Variants in TENM4 observed in about 807,000 individuals in gnomAD.
TENM4 encodes the protein teneurin-4.
TENM4 carries 82 observed loss-of-function variants against 243.3 expected under a neutral mutation model. That is an observed-to-expected ratio of 0.34 (90% CI 0.28 to 0.40). The LOEUF (loss-of-function observed/expected upper bound fraction) is 0.40, where lower values mean the gene tolerates loss of function less well. TENM4 is among the 10% of genes least tolerant of loss of function. TENM4 has a pLI of 1.00. For missense variants in TENM4, 3,138 were observed against 3,673.3 expected, an observed-to-expected ratio of 0.85 and a Z score of 3.77; for synonymous variants, 1,412 against 1,456.3, an observed-to-expected ratio of 0.97 and a Z score of 0.69.
At chr11:78,994,825 T>C (rs1265936379) in intron 6 of TENM4, among the ~76,000 whole-genome samples, 1 of 152,222 alleles carries the variant, frequency 6.6e-6, no homozygotes, top group Non-Finnish European at 1.5e-5. Flanking sequence ...AAACAGAGAC[T>C]TGTCCTAATG....
intron 3 of TENM4, 61 bp downstream of exon 3, chr11:79,215,747 C>A (rs1864040423): frequency 1.0e-6 from 1 of 985,476 alleles, no homozygotes; most frequent in Non-Finnish European, 1.2e-6. Flanking sequence ...GATTGCATTT[C>A]TCATCAAGGC....
At chr11:79,422,671 G>T (rs7102010) in intron 1 of TENM4, among the ~76,000 whole-genome samples, 59,838 of 152,004 alleles carry the variant, frequency 0.39, 12,025 homozygotes, top group African/African-American at 0.46. Flanking sequence ...TCAAGTCTGA[G>T]GTAGGTATAA....
intron 17 of TENM4, among the ~76,000 whole-genome samples, chr11:78,772,161 T>C (rs989823205): frequency 1.3e-5 from 2 of 152,154 alleles, no homozygotes; most frequent in Admixed American, 1.3e-4. Flanking sequence ...GCTTGGACCA[T>C]ATTATAAAGT....
chr11:78,670,585 G>C, intron 31 of TENM4, 34 bp from the exon 32 acceptor site: 2 of 1,565,286 alleles, frequency 1.3e-6, no homozygotes, highest in Non-Finnish European at 1.7e-6. Flanking sequence ...GATGAGAGGA[G>C]GGTGGTGAGG....
chr11:79,064,653 G>A (rs1398106650), intron 6 of TENM4, 85 bp downstream of exon 6: 11 of 1,502,252 alleles, frequency 7.3e-6, no homozygotes, highest in East Asian at 2.5e-5. Flanking sequence ...CCAGAGCCCC[G>A]GCAGTGGAGC....
chr11:79,220,926 A>G (rs541449613), intron 2 of TENM4: 1 of 152,330 alleles, frequency 6.6e-6, no homozygotes, highest in African/African-American at 2.4e-5. Context: ...AGCACATCCA[A>G]TCTTCTGAAA....
In TENM4 at chr11:78,653,674, T is replaced by G. The variant is rs921702860; in HGVS notation, c.*4384A>C. ...CACCGCCAGACACCTGAGGCTCAGCTCCTGCCAGGACGGCCGAGCGTGCTC... is the reference window on the plus strand; with the variant it reads ...CACCGCCAGACACCTGAGGCTCAGCGCCTGCCAGGACGGCCGAGCGTGCTC... On this transcript the variant is annotated 3_prime_UTR_variant, in exon 34 of 34. Coordinates refer to ENST00000278550, the MANE Select transcript of TENM4 (RefSeq NM_001098816.3). The G allele has an allele frequency of 1.3e-5, 2 of 152,262 alleles. No homozygotes were observed. Among genetic ancestry groups the G allele is most frequent in the African/African-American group, 4.8e-5 (2 of 41,462 alleles). 9.4% of individuals were successfully genotyped at this position (152,262 alleles called of 1,614,324 possible). A position where few individuals can be genotyped will look rare whatever the true frequency, so the allele number is the denominator to read the frequency against.
chr11:79,244,401 T>C lies in TENM4; in HGVS notation c.-264-28492A>G, dbSNP rs563399382. Among the ~76,000 whole-genome samples the C allele has an allele frequency of 5.3e-5, 8 of 152,008 alleles. No homozygotes were observed. In the South Asian group the frequency reaches 1.7e-3, roughly 32 times the overall value. On this transcript the variant is annotated intron_variant, in intron 2 of 33. Coordinates refer to ENST00000278550, the MANE Select transcript of TENM4 (RefSeq NM_001098816.3). Reference sequence around the variant, plus strand: ...TTCTTGTCCAGAGACCCTCATCTTTTGGATGTGGCATTAGGAGGGACAGGG... The same window carrying C: ...TTCTTGTCCAGAGACCCTCATCTTTCGGATGTGGCATTAGGAGGGACAGGG...
chr11:78,930,588 C>T lies in TENM4; in HGVS notation c.494-27065G>A, dbSNP rs1255240169. On this transcript the variant is annotated intron_variant, in intron 6 of 33. Transcript: ENST00000278550. ...CCTATAAATGAGGAAAATACAAAGCCTCAATGTCAGGATCCTGGGGAAGAT... is the reference window on the plus strand; with the variant it reads ...CCTATAAATGAGGAAAATACAAAGCTTCAATGTCAGGATCCTGGGGAAGAT... 2.0e-5 allele frequency among the ~76,000 whole-genome samples: 3 copies of T among 152,172 alleles called. No homozygotes were observed. The East Asian group carries it at 5.8e-4, about 29-fold the overall frequency.
chr11:79,187,410 C>A (rs551539641), intron 3 of TENM4, among the ~76,000 whole-genome samples: 1 of 152,302 alleles, frequency 6.6e-6, no homozygotes, highest in South Asian at 2.1e-4. Flanking sequence ...TAATAATTAT[C>A]CTGGACCCAC....
chr11:79,183,777 G>T (rs1187475913), intron 3 of TENM4, among the ~76,000 whole-genome samples: 1 of 152,132 alleles, frequency 6.6e-6, no homozygotes, highest in African/African-American at 2.4e-5. Context: ...CAAAAGGAGA[G>T]AAATAAAATG....
chr11:79,096,888 C>T (rs1861090089), intron 4 of TENM4: 1 of 152,018 alleles, frequency 6.6e-6, no homozygotes, highest in South Asian at 2.1e-4. Flanking sequence ...TTTGGAAGAC[C>T]AATCCTTGCG....
In TENM4 at chr11:78,832,846, C is replaced by T. The variant is rs186377572; in HGVS notation, c.1682-18451G>A. ...ACCCGTACAACAGTGTATGGAAAGG[C>T]TGCTAAATTGTCGACATGTTCCAAT... On this transcript the variant is annotated intron_variant, in intron 12 of 33. Coordinates refer to ENST00000278550, the MANE Select transcript of TENM4 (RefSeq NM_001098816.3). Among the ~76,000 whole-genome samples, 572 of 152,338 alleles carry T rather than the reference C, an allele frequency of 3.8e-3. 4 individuals are homozygous for T. The highest frequency in any genetic ancestry group is 0.013 in the African/African-American group (558 of 41,568).
At chr11:79,351,578 G>C (rs962897052) in intron 1 of TENM4, among the ~76,000 whole-genome samples, 8 of 152,054 alleles carry the variant, frequency 5.3e-5, no homozygotes, top group Admixed American at 4.6e-4. Flanking sequence ...TGATTGGCAG[G>C]CATCTGTAAT....
intron 17 of TENM4, among the ~76,000 whole-genome samples, chr11:78,775,109 T>C (rs1385978539): frequency 1.3e-5 from 2 of 152,208 alleles, no homozygotes; most frequent in African/African-American, 2.4e-5. Flanking sequence ...AATATCAATA[T>C]ATTAAAGGCT....
chr11:78,947,156 C>T (rs550110439), intron 6 of TENM4, among the ~76,000 whole-genome samples: 1 of 152,342 alleles, frequency 6.6e-6, no homozygotes, highest in South Asian at 2.1e-4. Flanking sequence ...AGGCAAACTT[C>T]ATTGTTTACA....
chr11:78,736,445 AGTGTGTGT>A (rs3223449), intron 20 of TENM4, among the ~76,000 whole-genome samples: 2,524 of 145,232 alleles, frequency 0.017, 34 homozygotes, highest in Middle Eastern at 0.024. Context: ...GATTTCAGCA[AGTGTGTGT>A]GTGTGTGTGT....
intron 2 of TENM4, among the ~76,000 whole-genome samples, chr11:79,245,971 A>G (rs1483107900): frequency 6.6e-6 from 1 of 151,144 alleles, no homozygotes; most frequent in African/African-American, 2.4e-5. Context: ...AAGAAAAGAA[A>G]AGGAAAGCAA....
chr11:79,156,978 C>T (rs1419528826), intron 3 of TENM4, among the ~76,000 whole-genome samples: 1 of 152,130 alleles, frequency 6.6e-6, no homozygotes, highest in East Asian at 1.9e-4. Context: ...CTCTGATCTC[C>T]TGCAGGACCA....
Sources: allele counts gnomAD v4.1 joint callset (sites outside exome capture counted in the v4.1 genomes callset), GRCh38; gene constraint gnomAD v4.1.1; transcripts MANE v1.5; gene names NCBI Gene and HGNC (gene_info 2026-07-23, HGNC 2026-07-21).